Variants in DLGAP1 observed in about 807,000 individuals in gnomAD.
DLGAP1 encodes the protein disks large-associated protein 1.
In DLGAP1, 11 loss-of-function variants were observed where a neutral mutation model predicts 90.8. The observed-to-expected ratio is 0.12, with a 90% CI of 0.08 to 0.20. The LOEUF is 0.20. Ranked by LOEUF, DLGAP1 falls within the 10% of genes least tolerant of loss-of-function variation. DLGAP1 has a pLI of 1.00. For synonymous variants in DLGAP1, 558 were observed against 540.7 expected (o/e 1.03, Z -0.44); for missense variants, 1,050 against 1,333.8 (o/e 0.79, Z 3.31).
At chr18:4,326,123 T>G (rs917039424) in intron 1 of DLGAP1, among the ~76,000 whole-genome samples, 1 of 151,960 alleles carries the variant, frequency 6.6e-6, no homozygotes, top group Non-Finnish European at 1.5e-5. Flanking sequence ...CCCACGAAGA[T>G]CTAATATCCA....
chr18:4,042,703 G>A (rs144678879), intron 2 of DLGAP1, among the ~76,000 whole-genome samples: 7 of 152,282 alleles, frequency 4.6e-5, no homozygotes, highest in African/African-American at 9.6e-5. Flanking sequence ...TCATGCCACC[G>A]CATTCCAGCC....
At chr18:4,270,054 A>G (rs1392567363) in intron 1 of DLGAP1, among the ~76,000 whole-genome samples, 2 of 152,206 alleles carry the variant, frequency 1.3e-5, no homozygotes, top group African/African-American at 4.8e-5. Context: ...AAATGTTCAG[A>G]AGCTCTGTGT....
At chr18:3,507,693 T>A (rs552328298) in intron 11 of DLGAP1, among the ~76,000 whole-genome samples, 1 of 149,918 alleles carries the variant, frequency 6.7e-6, no homozygotes, top group Non-Finnish European at 1.5e-5. Context: ...TTGTTTTAGA[T>A]CCAGCTTGAC....
intron 1 of DLGAP1, among the ~76,000 whole-genome samples, chr18:4,286,887 G>A (rs1001808598): frequency 2.6e-5 from 4 of 152,128 alleles, no homozygotes; most frequent in Non-Finnish European, 4.4e-5. Context: ...CAGGGAAAGA[G>A]AGGACTTTTT....
At chr18:4,033,239 C>T (rs1445496293) in intron 2 of DLGAP1, among the ~76,000 whole-genome samples, 3 of 151,744 alleles carry the variant, frequency 2.0e-5, no homozygotes, top group Non-Finnish European at 2.9e-5. Flanking sequence ...ATAAGGCTAA[C>T]GTGTCTCTTG....
intron 7 of DLGAP1, among the ~76,000 whole-genome samples, chr18:3,674,280 G>C (rs1353719463): frequency 2.1e-5 from 2 of 93,420 alleles, no homozygotes; most frequent in Non-Finnish European, 4.3e-5. Flanking sequence ...GTGAGATCTT[G>C]TCTCTATAAT....
chr18:3,745,039 C>A (rs1212331538), intron 5 of DLGAP1, among the ~76,000 whole-genome samples: 1 of 152,138 alleles, frequency 6.6e-6, no homozygotes, highest in Non-Finnish European at 1.5e-5. Flanking sequence ...TATAGATGAA[C>A]TTTGAGAACA....
chr18:4,087,463 C>T (rs2075704023), intron 2 of DLGAP1, among the ~76,000 whole-genome samples: 1 of 152,198 alleles, frequency 6.6e-6, no homozygotes, highest in Non-Finnish European at 1.5e-5. Flanking sequence ...AGATAACTAG[C>T]CAGACCCATC....
At chr18:3,760,943 C>T (rs973898119) in intron 5 of DLGAP1, among the ~76,000 whole-genome samples, 4 of 152,090 alleles carry the variant, frequency 2.6e-5, no homozygotes, top group African/African-American at 9.7e-5. Flanking sequence ...TGGTTGGGTC[C>T]GTGACACTGT....
chr18:3,810,619 T>C (rs1468150920), intron 5 of DLGAP1, among the ~76,000 whole-genome samples: 1 of 152,088 alleles, frequency 6.6e-6, no homozygotes. Flanking sequence ...TTCCAGGATA[T>C]AGGGATCTTT....
intron 7 of DLGAP1, among the ~76,000 whole-genome samples, chr18:3,649,545 C>G (rs988801121): frequency 3.3e-5 from 5 of 152,126 alleles, no homozygotes; most frequent in African/African-American, 4.8e-5. Context: ...TACTGCCTTC[C>G]GTACACTGTG....
At chr18:3,523,015 A>G (rs2051313792) in intron 10 of DLGAP1, among the ~76,000 whole-genome samples, 1 of 152,194 alleles carries the variant, frequency 6.6e-6, no homozygotes, top group African/African-American at 2.4e-5. Context: ...AGGCTACAAA[A>G]GCAAAAATAA....
chr18:3,662,507 T>A (rs116409612), intron 7 of DLGAP1, among the ~76,000 whole-genome samples: 1,868 of 152,310 alleles, frequency 0.012, 39 homozygotes, highest in African/African-American at 0.043. Flanking sequence ...GAGAGAAGTG[T>A]ATTAGTGGAC....
intron 2 of DLGAP1, among the ~76,000 whole-genome samples, chr18:4,019,370 A>G (rs2074572681): frequency 6.6e-6 from 1 of 152,074 alleles, no homozygotes; most frequent in African/African-American, 2.4e-5. Flanking sequence ...TAACCTATAA[A>G]CACTTCCGTC....
chr18:4,155,024 G>A (rs1362517340), intron 1 of DLGAP1, among the ~76,000 whole-genome samples: 1 of 152,154 alleles, frequency 6.6e-6, no homozygotes, highest in African/African-American at 2.4e-5. Context: ...CAAGGTAAGA[G>A]GTATCAGAAG....
intron 7 of DLGAP1, among the ~76,000 whole-genome samples, chr18:3,707,364 G>A (rs1482727281): frequency 2.0e-5 from 3 of 152,160 alleles, no homozygotes; most frequent in South Asian, 2.1e-4. Flanking sequence ...TTAGAAGGCC[G>A]AGGTGGGTGG....
At chr18:4,131,714 G>A (rs1373798291) in intron 2 of DLGAP1, among the ~76,000 whole-genome samples, 2 of 152,180 alleles carry the variant, frequency 1.3e-5, no homozygotes, top group Non-Finnish European at 2.9e-5. Flanking sequence ...CCAGGAAAGG[G>A]TGACAAGAAA....
intron 1 of DLGAP1, among the ~76,000 whole-genome samples, chr18:4,203,408 A>G (rs2077650113): frequency 6.6e-6 from 1 of 152,224 alleles, no homozygotes; most frequent in Admixed American, 6.5e-5. Context: ...TCATGAGGAA[A>G]TATTTTAAGA....
At chr18:3,881,981 T>C (rs1273832506) in intron 3 of DLGAP1, among the ~76,000 whole-genome samples, 1 of 152,204 alleles carries the variant, frequency 6.6e-6, no homozygotes, top group African/African-American at 2.4e-5. Context: ...CTTTAGGATA[T>C]CTCTGTCTTC....
Sources: gnomAD v4.1 joint callset for allele counts (sites outside exome capture counted in the v4.1 genomes callset) on GRCh38, gnomAD v4.1.1 for gene constraint, MANE v1.5 for transcripts, NCBI Gene and HGNC (gene_info 2026-07-23, HGNC 2026-07-21) for gene names.